Variants in ARHGEF7 observed in about 807,000 individuals in gnomAD.
The protein encoded by ARHGEF7 is Rho guanine nucleotide exchange factor 7, also known as PAK-interacting exchange factor beta.
In ARHGEF7, 33 loss-of-function variants were observed where a neutral mutation model predicts 109.8. The ratio of observed to expected loss-of-function variants is 0.30; its 90% CI spans 0.23 to 0.40. The LOEUF is 0.40. Ranked by LOEUF, ARHGEF7 falls within the 10% of genes least tolerant of loss-of-function variation. The pLI is 1.00. For synonymous variants in ARHGEF7, 458 were observed against 424.6 expected (o/e 1.08, Z -0.97); for missense variants, 938 against 1,098.5 (o/e 0.85, Z 2.07).
chr13:111,266,784 G>A lies in ARHGEF7; in HGVS notation c.951-764G>A. 2.2e-6 allele frequency: 1 copy of A among 455,920 alleles called. No homozygotes were observed. The allele number at this position is 455,920 out of a possible 1,614,324, so 28.2% of individuals were successfully genotyped here. A position where few individuals can be genotyped will look rare whatever the true frequency, so the allele number is the denominator to read the frequency against. ...CTGGGGAGCAAAGACACCCTGGGGT[G>A]CAGGGAAGGTGGTAAGAGTTCACGT... On this transcript the variant is annotated intron_variant, in intron 8 of 21. Transcript: ENST00000646102. This position sits in a 1 kb window ranked among gnomAD's most constrained non-coding sequence, Gnocchi z 4.8.
chr13:111,301,541 T>C lies in ARHGEF7; in HGVS notation c.2466+9T>C. 6.3e-7 allele frequency: 1 copy of C among 1,598,850 alleles called. No homozygotes were observed. The highest frequency in any genetic ancestry group is 8.6e-7 in the Non-Finnish European group (1 of 1,168,340). On this transcript the variant is annotated intron_variant, in intron 21 of 21. Coordinates refer to ENST00000646102, the MANE Select transcript of ARHGEF7 (RefSeq NM_001354046.2). Reference sequence around the variant, plus strand: ...TTCAAGAATTAAGACAGGTACGTCATAATCCATCTTTAAATCTTTTTTTTC... The same window carrying C: ...TTCAAGAATTAAGACAGGTACGTCACAATCCATCTTTAAATCTTTTTTTTC...
chr13:111,256,808 T>C (rs1011173830), intron 8 of ARHGEF7, among the ~76,000 whole-genome samples: 4 of 152,230 alleles, frequency 2.6e-5, no homozygotes, highest in African/African-American at 9.6e-5. Flanking sequence ...ATGGTGTCTG[T>C]GCGCTAACCT....
At chr13:111,140,662 G>A (rs1483013881) in intron 1 of ARHGEF7, among the ~76,000 whole-genome samples, 2 of 152,096 alleles carry the variant, frequency 1.3e-5, no homozygotes, top group African/African-American at 4.8e-5. Flanking sequence ...GAAGGACTTG[G>A]CCTTTTATTA....
intron 5 of ARHGEF7, among the ~76,000 whole-genome samples, chr13:111,221,249 A>ATG (rs2083898447): frequency 1.8e-5 from 1 of 55,488 alleles, no homozygotes; most frequent in Non-Finnish European, 3.4e-5. Flanking sequence ...ATATGTCTAT[A>ATG]TATATCTATA....
rs767264271 is a variant in ARHGEF7 at position 111,153,959 on chromosome 13, C to G, written c.220C>G (p.Leu74Val). Reference protein sequence around the residue: ...SECLSNIREFLRGCGASLRLE... With the variant: ...SECLSNIREFVRGCGASLRLE... Reference sequence around the variant, plus strand: ...GTGCCTGAGCAACATCCGCGAGTTCCTGCGCGGCTGCGGGGCTTCCCTGCG... The same window carrying G: ...GTGCCTGAGCAACATCCGCGAGTTCGTGCGCGGCTGCGGGGCTTCCCTGCG... Residue 74 changes from leucine to valine, a missense_variant, in exon 2 of 22, where the codon CTG becomes GTG. Physicochemically the swap from Leu to Val is conservative, Grantham distance 32. This residue lies in a region of ARHGEF7 where 165 missense variants were observed against 125.8 expected (regional missense o/e 1.31). Transcript: ENST00000646102. 3 of 1,604,278 alleles carry G rather than the reference C, an allele frequency of 1.9e-6. No homozygotes were observed. Among genetic ancestry groups the G allele is most frequent in the Non-Finnish European group, 2.5e-6 (3 of 1,177,050 alleles).
chr13:111,203,609 T>G (rs943612359), intron 2 of ARHGEF7, among the ~76,000 whole-genome samples: 4 of 152,242 alleles, frequency 2.6e-5, no homozygotes, highest in African/African-American at 9.6e-5. Flanking sequence ...TGATATTTCC[T>G]TGTGAACTTT....
chr13:111,164,763 G>T (rs1421785679), intron 2 of ARHGEF7, among the ~76,000 whole-genome samples: 1 of 152,156 alleles, frequency 6.6e-6, no homozygotes, highest in Non-Finnish European at 1.5e-5. Flanking sequence ...TCACACGATT[G>T]CATCCGTGAC....
chr13:111,174,277 T>A (rs1014344045), intron 2 of ARHGEF7, among the ~76,000 whole-genome samples: 5 of 152,248 alleles, frequency 3.3e-5, no homozygotes, highest in Non-Finnish European at 7.3e-5. Context: ...CATTTACTGA[T>A]TTTTACATTT....
intron 8 of ARHGEF7, among the ~76,000 whole-genome samples, chr13:111,260,403 C>T (rs772218207): frequency 2.6e-5 from 4 of 152,226 alleles, no homozygotes; most frequent in Admixed American, 6.5e-5. Flanking sequence ...TGCTCCAGTA[C>T]ATCTGGCAGC....
intron 1 of ARHGEF7, among the ~76,000 whole-genome samples, chr13:111,116,006 C>T (rs896059666): frequency 2.0e-5 from 3 of 150,740 alleles, no homozygotes; most frequent in Non-Finnish European, 3.0e-5. Flanking sequence ...GTTGCCCCTC[C>T]GCGTGGGGGG....
chr13:111,233,083 T>C, intron 5 of ARHGEF7, 122 bp from the exon 6 acceptor site: 1 of 836,736 alleles, frequency 1.2e-6, no homozygotes, highest in East Asian at 2.5e-5. Flanking sequence ...TTTCCTTGGC[T>C]TGCCATTTGG....
At position 111,228,695 on chromosome 13, in the gene ARHGEF7, C is replaced by T. The variant is rs1439606671; in HGVS notation, c.671-4510C>T. Among the ~76,000 whole-genome samples the T allele has an allele frequency of 6.6e-6, 1 of 152,022 alleles. No homozygotes were observed. Among genetic ancestry groups the T allele is most frequent in the African/African-American group, 2.4e-5 (1 of 41,384 alleles). ...GGAGGGTGCATGTGGTTCAGGAAAG[C>T]GGCAGGCAGACACTGCTGAGCACGG... On this transcript the variant is annotated intron_variant, in intron 5 of 21. Coordinates refer to ENST00000646102, the MANE Select transcript of ARHGEF7 (RefSeq NM_001354046.2). This position sits in a 1 kb window ranked among gnomAD's most constrained non-coding sequence, Gnocchi z 4.6.
rs2090639426 is a variant in ARHGEF7 at position 111,258,053 on chromosome 13, C to T, written c.951-9495C>T. 6.6e-6 allele frequency among the ~76,000 whole-genome samples: 1 copy of T among 152,252 alleles called. No individual in the cohort carries two copies. Among genetic ancestry groups the T allele is most frequent in the African/African-American group, 2.4e-5 (1 of 41,470 alleles). Reference sequence around the variant, plus strand: ...TTGTGCTGGGGCTCTGAGCCAGTGGCCTTGGGGGGCCTGCAACCTAGTGAG... The same window carrying T: ...TTGTGCTGGGGCTCTGAGCCAGTGGTCTTGGGGGGCCTGCAACCTAGTGAG... On this transcript the variant is annotated intron_variant, in intron 8 of 21. Coordinates refer to ENST00000646102, the MANE Select transcript of ARHGEF7 (RefSeq NM_001354046.2). The surrounding 1 kb of genome is among the most constrained non-coding windows in gnomAD (Gnocchi z 4.4).
chr13:111,277,808 G>A, intron 13 of ARHGEF7, 135 bp downstream of exon 13: 1 of 591,444 alleles, frequency 1.7e-6, no homozygotes, highest in Non-Finnish European at 3.0e-6. Context: ...TTCAGATATG[G>A]ACGTACAGCT....
intron 1 of ARHGEF7, chr13:111,153,598 A>C (rs1003126645): frequency 4.5e-6 from 5 of 1,119,376 alleles, no homozygotes; most frequent in Non-Finnish European, 4.4e-6. Flanking sequence ...ACCCGACGCT[A>C]TCCGAAGACG....
At chr13:111,164,047 C>T (rs1296659253) in intron 2 of ARHGEF7, among the ~76,000 whole-genome samples, 2 of 147,924 alleles carry the variant, frequency 1.4e-5, no homozygotes, top group African/African-American at 2.5e-5. Flanking sequence ...CCCCGTATTG[C>T]GTGTTGCGTT....
intron 5 of ARHGEF7, among the ~76,000 whole-genome samples, chr13:111,218,430 G>T (rs1308198879): frequency 6.6e-6 from 1 of 152,184 alleles, no homozygotes; most frequent in African/African-American, 2.4e-5. Flanking sequence ...CATGGCTATG[G>T]CTGCCGGGCT....
intron 1 of ARHGEF7, among the ~76,000 whole-genome samples, chr13:111,124,900 C>T (rs747814653): frequency 6.6e-6 from 1 of 152,158 alleles, no homozygotes; most frequent in Admixed American, 6.5e-5. Flanking sequence ...GCTGAGGCTA[C>T]AGGTGTGCGC....
At chr13:111,276,351 A>G (rs2092481098) in intron 12 of ARHGEF7, among the ~76,000 whole-genome samples, 1 of 152,240 alleles carries the variant, frequency 6.6e-6, no homozygotes, top group South Asian at 2.1e-4. Flanking sequence ...GAATAAGAAA[A>G]CTAAAACTTC....
Sources: allele counts gnomAD v4.1 joint callset (sites outside exome capture counted in the v4.1 genomes callset), GRCh38; gene constraint gnomAD v4.1.1; regional missense constraint gnomAD v4.1.1; non-coding constraint Gnocchi (gnomAD v3.1); transcripts MANE v1.5; gene names NCBI Gene and HGNC (gene_info 2026-07-23, HGNC 2026-07-21).